The following GALNT6 variants were observed in gnomAD, a reference collection of about 807,000 sequenced individuals.
The protein encoded by GALNT6 is GalNAc transferase 6.
A neutral mutation model predicts 65.9 loss-of-function variants in GALNT6; 51 were observed. The ratio of observed to expected loss-of-function variants is 0.77; its 90% CI spans 0.62 to 0.98. The LOEUF (loss-of-function observed/expected upper bound fraction) is 0.98, where lower values mean the gene tolerates loss of function less well. GALNT6 is among the 50% of genes least tolerant of loss of function. The pLI is 0.00. For synonymous variants in GALNT6, 323 were observed against 315.1 expected, an observed-to-expected ratio of 1.02 and a Z score of -0.26; for missense variants, 708 against 803.3, an observed-to-expected ratio of 0.88 and a Z score of 1.43.
chr12:51,360,897 C>A lies in GALNT6; in HGVS notation c.1050-59G>T, dbSNP rs985299672. ...CTGGGAGAGGAGGAGCGGAGCCTGG[C>A]GGGGAAAGCTGTTTGTGGACTCCCC... On this transcript the variant is annotated intron_variant, in intron 6 of 11. Transcript: ENST00000356317. 17 of 1,193,478 alleles carry A rather than the reference C, an allele frequency of 1.4e-5. No individual in the cohort carries two copies. The Admixed American group carries it at 2.3e-4, about 16-fold the overall frequency. 73.9% of individuals were successfully genotyped at this position (1,193,478 alleles called of 1,614,324 possible). A position where few individuals can be genotyped will look rare whatever the true frequency, so the allele number is the denominator to read the frequency against.
At chr12:51,371,319 AG>A (rs1326626670) in intron 4 of GALNT6, among the ~76,000 whole-genome samples, 1 of 152,020 alleles carries the variant, frequency 6.6e-6, no homozygotes, top group Non-Finnish European at 1.5e-5. Context: ...CCTGACCTCA[AG>A]GGTTCTCTTG....
chr12:51,357,260 C>G, intron 10 of GALNT6, 89 bp downstream of exon 10: 4 of 819,008 alleles, frequency 4.9e-6, no homozygotes, highest in African/African-American at 1.7e-5. Context: ...GTATCTCCTC[C>G]CTCCCAGTCC....
intron 2 of GALNT6, among the ~76,000 whole-genome samples, chr12:51,384,866 T>C (rs1050024273): frequency 2.0e-5 from 3 of 152,062 alleles, no homozygotes; most frequent in African/African-American, 7.2e-5. Flanking sequence ...ACCTAGGCAA[T>C]AGAGCGAGAC....
chr12:51,373,649 A>G (rs1470060436), intron 4 of GALNT6, among the ~76,000 whole-genome samples: 2 of 152,222 alleles, frequency 1.3e-5, no homozygotes, highest in East Asian at 1.9e-4. Context: ...AAAGATAACG[A>G]AAGAACCCAG....
intron 2 of GALNT6, among the ~76,000 whole-genome samples, chr12:51,381,161 G>A (rs765696632): frequency 1.3e-5 from 2 of 152,192 alleles, no homozygotes; most frequent in Non-Finnish European, 2.9e-5. Context: ...GACTGCTGGA[G>A]CCCAGGAGGT....
At chr12:51,374,396 A>T (rs889485803) in intron 4 of GALNT6, among the ~76,000 whole-genome samples, 1 of 152,126 alleles carries the variant, frequency 6.6e-6, no homozygotes, top group African/African-American at 2.4e-5. Flanking sequence ...GCCTTGCTTT[A>T]TAAGTGCTGC....
intron 4 of GALNT6, among the ~76,000 whole-genome samples, chr12:51,376,090 C>A (rs964015008): frequency 6.6e-6 from 1 of 151,970 alleles, no homozygotes; most frequent in Non-Finnish European, 1.5e-5. Context: ...GTCTCAAACT[C>A]CTGACCTCAA....
In GALNT6 at chr12:51,358,134, C is replaced by T; in HGVS notation, c.1496G>A (p.Gly499Asp). 6.2e-7 allele frequency: 1 copy of T among 1,613,250 alleles called. No individual in the cohort carries two copies. Among genetic ancestry groups the T allele is most frequent in the Non-Finnish European group, 8.5e-7 (1 of 1,179,466 alleles). ...FVPDLTPTFY[G>D]AIKNLGTNQC... The stretch of plus-strand genomic sequence containing the variant: ...AGGTTGGTTCTCAAGACTTACGGCA[C>T]CATAGAAGGTGGGCGTCAGGTCAGG... Residue 499 changes from glycine (G) to aspartate (D), a missense_variant, in exon 9 of 12, where the codon GGT becomes GAT. Physicochemically the swap from Gly to Asp is moderately conservative, Grantham distance 94. Transcript: ENST00000356317.
At chr12:51,357,317 G>A (rs2137539835) in intron 10 of GALNT6, 32 bp downstream of exon 10, 2 of 1,365,442 alleles carry the variant, frequency 1.5e-6, no homozygotes, top group East Asian at 2.3e-5. Context: ...GGTGAGGAGA[G>A]GAGATGCTCC....
At chr12:51,389,321 C>G (rs188839844) in intron 2 of GALNT6, among the ~76,000 whole-genome samples, 8 of 152,356 alleles carry the variant, frequency 5.3e-5, no homozygotes, top group African/African-American at 1.9e-4. Flanking sequence ...TTAAATATTA[C>G]TGCTTACCAT....
intron 10 of GALNT6, 56 bp downstream of exon 10, chr12:51,357,293 A>C: frequency 8.2e-5 from 89 of 1,090,100 alleles, no homozygotes; most frequent in Non-Finnish European, 1.1e-4. Flanking sequence ...TCTTTAGGGT[A>C]GAGAAAAGGA....
intron 7 of GALNT6, chr12:51,359,585 G>A (rs1946856490): frequency 5.5e-6 from 2 of 360,618 alleles, no homozygotes; most frequent in Non-Finnish European, 9.9e-6. Context: ...GTTTACCAGG[G>A]CCCACTTTAG....
chr12:51,387,331 C>T lies in GALNT6; in HGVS notation c.-104+3519G>A, dbSNP rs1947876142. On this transcript the variant is annotated intron_variant, in intron 2 of 11. Transcript: ENST00000356317. The surrounding 1 kb of genome is among the most constrained non-coding windows in gnomAD (Gnocchi z 4.2). Reference sequence around the variant, plus strand: ...GCCAGGCTAGTCTTGAACTCCTGACCTCAAGTGATCTGTCTGCCTCGGCCT... The same window carrying T: ...GCCAGGCTAGTCTTGAACTCCTGACTTCAAGTGATCTGTCTGCCTCGGCCT... Among the ~76,000 whole-genome samples, 1 of 152,134 alleles carries T rather than the reference C, an allele frequency of 6.6e-6. No individual in the cohort carries two copies. Among genetic ancestry groups the T allele is most frequent in the Non-Finnish European group, 1.5e-5 (1 of 68,040 alleles).
intron 2 of GALNT6, among the ~76,000 whole-genome samples, chr12:51,385,502 G>T (rs1947804797): frequency 6.6e-6 from 1 of 151,986 alleles, no homozygotes; most frequent in Non-Finnish European, 1.5e-5. Context: ...AAGATTTTTG[G>T]GATGCCCTGT....
rs1373623192 is a variant in GALNT6, at chr12:51,377,276, G to A, written c.583C>T (p.Arg195Ter). ...FHNEAWSTLL[R>*]TVYSVLHTTP... ...GTGTGTAGGACGCTGTACACTGTTC[G>A]CAGCAGTGTGGACCAGGCTTCGTTG... Residue 195 changes from arginine (R) to a stop codon, truncating the protein, a stop_gained, in exon 4 of 12, where the codon CGA (arginine) becomes TGA (stop). Transcript: ENST00000356317. LOFTEE classifies it high-confidence loss of function. 14 of 1,613,298 alleles carry A rather than the reference G, an allele frequency of 8.7e-6. No individual in the cohort carries two copies. Among genetic ancestry groups the A allele is most frequent in the Admixed American group, 1.7e-5 (1 of 60,016 alleles).
rs201882458 is a variant in GALNT6, at chr12:51,364,081, C to T, written c.1049+40G>A. The T allele has an allele frequency of 1.1e-4, 151 of 1,410,298 alleles. No homozygotes were observed. In the African/African-American group the frequency reaches 2.0e-3, roughly 19 times the overall value. The allele number at this position is 1,410,298 out of a possible 1,614,324, so 87.4% of individuals were successfully genotyped here. On this transcript the variant is annotated intron_variant, in intron 6 of 11. Coordinates refer to ENST00000356317, the MANE Select transcript of GALNT6 (RefSeq NM_007210.4). ...CACAGGTTCCTGGAACTGGGTAGGA[C>T]TGGGGCCAGGTTGGGGGCTCACCAG...
At chr12:51,362,191 C>A (rs989046353) in intron 6 of GALNT6, among the ~76,000 whole-genome samples, 4 of 152,204 alleles carry the variant, frequency 2.6e-5, no homozygotes, top group Admixed American at 1.3e-4. Context: ...CTTCCTCCCC[C>A]ACAGGCCCTG....
intron 6 of GALNT6, among the ~76,000 whole-genome samples, chr12:51,363,112 A>T (rs1946977264): frequency 3.3e-5 from 5 of 152,186 alleles, no homozygotes; most frequent in Admixed American, 3.3e-4. Flanking sequence ...CAACCTCTGC[A>T]TCCCTCCGTC....
Position 51,379,908 on chromosome 12 carries a change from G to A in GALNT6, c.-103-24C>T, listed in dbSNP as rs565321925. On this transcript the variant is annotated intron_variant, in intron 2 of 11. Coordinates refer to ENST00000356317, the MANE Select transcript of GALNT6 (RefSeq NM_007210.4). ...GCCTGAGAAAGGAGGGGACAAGAGA[G>A]AGAAGTGAGCCAACACAGGGTAAGG... 1.9e-4 allele frequency: 189 copies of A among 1,007,196 alleles called. No homozygotes were observed. In the African/African-American group the frequency reaches 2.6e-3, roughly 14 times the overall value. 62.4% of individuals were successfully genotyped at this position (1,007,196 alleles called of 1,614,324 possible). A position where few individuals can be genotyped will look rare whatever the true frequency, so the allele number is the denominator to read the frequency against.
Sources: allele counts gnomAD v4.1 joint callset (sites outside exome capture counted in the v4.1 genomes callset), GRCh38; gene constraint gnomAD v4.1.1; non-coding constraint Gnocchi (gnomAD v3.1); transcripts MANE v1.5; gene names NCBI Gene and HGNC (gene_info 2026-07-23, HGNC 2026-07-21).